The following TMOD1 variants were observed in gnomAD, a reference collection of about 807,000 sequenced individuals.
TMOD1 encodes tropomodulin-1.
TMOD1 carries 17 observed loss-of-function variants against 40.6 expected under a neutral mutation model. The observed-to-expected ratio is 0.42, with a 90% CI of 0.29 to 0.63. TMOD1 has a LOEUF of 0.63. Among genes scored for constraint, TMOD1 ranks in the 20% least tolerant of loss-of-function variants. TMOD1 has a pLI of 0.22. For synonymous variants in TMOD1, 181 were observed against 175.0 expected, an observed-to-expected ratio of 1.03 and a Z score of -0.27; for missense variants, 391 against 447.6, an observed-to-expected ratio of 0.87 and a Z score of 1.14.
chr9:97,539,320 A>C (rs1172113721), intron 2 of TMOD1, among the ~76,000 whole-genome samples: 1 of 152,184 alleles, frequency 6.6e-6, no homozygotes. Flanking sequence ...TCTTTTCCTC[A>C]CCTATTGAGT....
rs1173411204 is a variant in TMOD1 at position 97,557,744 on chromosome 9, C to G, written c.397+4344C>G. ...GAGCCGGGGATGTGTGCTGTTATCT[C>G]TCTGCGTCCTGAGTGGAATTACCAA... On this transcript the variant is annotated intron_variant, in intron 4 of 9. Coordinates refer to ENST00000259365, the MANE Select transcript of TMOD1 (RefSeq NM_003275.4). This position sits in a 1 kb window ranked among gnomAD's most constrained non-coding sequence, Gnocchi z 4.4. Among the ~76,000 whole-genome samples the G allele has an allele frequency of 6.6e-6, 1 of 152,176 alleles. No individual in the cohort carries two copies. The highest frequency in any genetic ancestry group is 6.5e-5 in the Admixed American group (1 of 15,282).
chr9:97,512,085 A>G (rs1253421263), intron 1 of TMOD1, among the ~76,000 whole-genome samples: 1 of 152,076 alleles, frequency 6.6e-6, no homozygotes, highest in Non-Finnish European at 1.5e-5. Flanking sequence ...TTCATATGAC[A>G]CCTTGTTTAC....
At position 97,578,860 on chromosome 9, in the gene TMOD1, C is replaced by T. The variant is rs114938900; in HGVS notation, c.870+9823C>T. ...GGAGACCAGTACTTTCTGAGACTAGCCCATCCTGAGTTTTAGCAGGGCATT... is the reference window on the plus strand; with the variant it reads ...GGAGACCAGTACTTTCTGAGACTAGTCCATCCTGAGTTTTAGCAGGGCATT... On this transcript the variant is annotated intron_variant, in intron 8 of 9. Transcript: ENST00000259365. Among the ~76,000 whole-genome samples the T allele has an allele frequency of 8.4e-3, 1,278 of 152,330 alleles. 13 individuals carry two copies. The highest frequency in any genetic ancestry group is 0.028 in the African/African-American group (1,176 of 41,566).
At chr9:97,591,201 G>GA (rs1825992586) in intron 8 of TMOD1, 90 bp from the exon 9 acceptor site, 15 of 1,371,072 alleles carry the variant, frequency 1.1e-5, no homozygotes, top group Non-Finnish European at 1.5e-5. Context: ...CACTACTCAA[G>GA]AGTTTCTGCA....
At chr9:97,515,000 A>G (rs1829780459) in intron 1 of TMOD1, among the ~76,000 whole-genome samples, 1 of 152,184 alleles carries the variant, frequency 6.6e-6, no homozygotes, top group Non-Finnish European at 1.5e-5. Context: ...CTTGTGCAGT[A>G]CACGGACACC....
chr9:97,589,542 G>A (rs1021020020), intron 8 of TMOD1, among the ~76,000 whole-genome samples: 1 of 151,938 alleles, frequency 6.6e-6, no homozygotes, highest in Admixed American at 6.6e-5. Flanking sequence ...GCCTCCCAAA[G>A]TGCTGGGATT....
chr9:97,591,567 C>G, intron 9 of TMOD1, 132 bp downstream of exon 9: 3 of 1,169,260 alleles, frequency 2.6e-6, no homozygotes, highest in Non-Finnish European at 3.6e-6. Context: ...TTGATCGCGT[C>G]TTCCTTGTTT....
At chr9:97,569,263 G>A (rs1035004246) in intron 8 of TMOD1, among the ~76,000 whole-genome samples, 5 of 152,138 alleles carry the variant, frequency 3.3e-5, no homozygotes, top group Admixed American at 2.6e-4. Flanking sequence ...TCCCTCTCAT[G>A]ATGGGGGACA....
At position 97,556,913 on chromosome 9, in the gene TMOD1, G is replaced by A. The variant is rs144363524; in HGVS notation, c.397+3513G>A. 9.0e-4 allele frequency among the ~76,000 whole-genome samples: 137 copies of A among 152,300 alleles called. 1 individual carries two copies. The highest frequency in any genetic ancestry group is 3.3e-3 in the African/African-American group (136 of 41,570). ...CTGGGGAGGGCAGGCCCCTCTGAAC[G>A]GAGTGGCCTGGCAGGCTTGCTATCT... is the stretch of plus-strand genomic sequence containing the variant. On this transcript the variant is annotated intron_variant, in intron 4 of 9. Transcript: ENST00000259365.
chr9:97,558,695 C>T (rs1217386611), intron 4 of TMOD1, among the ~76,000 whole-genome samples: 12 of 152,236 alleles, frequency 7.9e-5, no homozygotes, highest in East Asian at 1.9e-4. Context: ...CCACCCACCT[C>T]GGCCTCCCAA....
chr9:97,577,644 T>A (rs942478114), intron 8 of TMOD1, among the ~76,000 whole-genome samples: 1 of 151,968 alleles, frequency 6.6e-6, no homozygotes, highest in African/African-American at 2.4e-5. Flanking sequence ...AAAAATTAGC[T>A]GGGCGTGGTG....
chr9:97,537,583 C>G (rs1462847911), intron 2 of TMOD1, among the ~76,000 whole-genome samples: 1 of 152,192 alleles, frequency 6.6e-6, no homozygotes, highest in Non-Finnish European at 1.5e-5. Context: ...GAAAATTAGA[C>G]TGTGATGTTA....
intron 3 of TMOD1, among the ~76,000 whole-genome samples, chr9:97,548,453 G>A (rs1042466667): frequency 2.0e-5 from 3 of 152,178 alleles, no homozygotes; most frequent in African/African-American, 7.2e-5. Flanking sequence ...GATCCTGGAG[G>A]GGGTGGCAGG....
intron 1 of TMOD1, among the ~76,000 whole-genome samples, chr9:97,523,702 A>G (rs1214251382): frequency 6.6e-6 from 1 of 152,066 alleles, no homozygotes; most frequent in African/African-American, 2.4e-5. Flanking sequence ...AGGGGCCTGT[A>G]TGCAGTAGGT....
At chr9:97,569,153 G>A in intron 8 of TMOD1, 116 bp downstream of exon 8, 1 of 1,357,150 alleles carries the variant, frequency 7.4e-7, no homozygotes, top group Non-Finnish European at 1.0e-6. Context: ...TCAGAGCCCA[G>A]CTTTGAGGGA....
intron 8 of TMOD1, among the ~76,000 whole-genome samples, chr9:97,575,293 G>A (rs963756790): frequency 6.6e-6 from 1 of 152,138 alleles, no homozygotes; most frequent in Admixed American, 6.5e-5. Context: ...CCTGATCCAG[G>A]AGACCACAAA....
intron 1 of TMOD1, among the ~76,000 whole-genome samples, chr9:97,506,627 A>G (rs1044320881): frequency 1.6e-4 from 25 of 152,286 alleles, no homozygotes; most frequent in African/African-American, 5.5e-4. Context: ...TGAATCCAAG[A>G]GCTCATTTGA....
chr9:97,540,657 G>A (rs1171162019), intron 2 of TMOD1, among the ~76,000 whole-genome samples: 1 of 152,032 alleles, frequency 6.6e-6, no homozygotes, highest in Non-Finnish European at 1.5e-5. Context: ...TTTGTATCTG[G>A]CTTCTTACAC....
chr9:97,526,869 C>T (rs1161954459), intron 2 of TMOD1, among the ~76,000 whole-genome samples: 2 of 152,162 alleles, frequency 1.3e-5, no homozygotes, highest in Non-Finnish European at 2.9e-5. Flanking sequence ...ATAATCTGGT[C>T]TTATACCCAG....
Sources: gnomAD v4.1 joint callset for allele counts (sites outside exome capture counted in the v4.1 genomes callset) on GRCh38, gnomAD v4.1.1 for gene constraint, Gnocchi (gnomAD v3.1) non-coding constraint, MANE v1.5 for transcripts, NCBI Gene and HGNC (gene_info 2026-07-23, HGNC 2026-07-21) for gene names.